PHACTR2: variants seen among roughly 807,000 people sequenced by gnomAD.
The protein encoded by PHACTR2 is phosphatase and actin regulator 2.
A neutral mutation model predicts 76.0 loss-of-function variants in PHACTR2; 30 were observed. That is an observed-to-expected ratio of 0.39 (90% confidence interval 0.30 to 0.54). The LOEUF (loss-of-function observed/expected upper bound fraction) is 0.54, where lower values mean the gene tolerates loss of function less well. PHACTR2 is among the 20% of genes least tolerant of loss of function. The pLI is 0.61. For missense variants in PHACTR2, 696 were observed against 781.1 expected, an observed-to-expected ratio of 0.89 and a Z score of 1.30; for synonymous variants, 292 against 292.5, an observed-to-expected ratio of 1.00 and a Z score of 0.02.
chr6:143,619,706 T>G lies in PHACTR2; in HGVS notation c.13+11384T>G, dbSNP rs1041946466. Reference sequence around the variant, plus strand: ...TTTAATTTACCACCTGCTGCATGCCTCTGCACTTCACATCCTGGGTCTTAT... The same window carrying G: ...TTTAATTTACCACCTGCTGCATGCCGCTGCACTTCACATCCTGGGTCTTAT... On this transcript the variant is annotated intron_variant, in intron 1 of 11. Coordinates refer to the PHACTR2 transcript ENST00000305766. This position sits in a 1 kb window ranked among gnomAD's most constrained non-coding sequence, Gnocchi z 4.5. 6.6e-6 allele frequency among the ~76,000 whole-genome samples: 1 copy of G among 152,220 alleles called. No individual in the cohort carries two copies. Among genetic ancestry groups the G allele is most frequent in the Non-Finnish European group, 1.5e-5 (1 of 68,054 alleles).
At chr6:143,712,633 G>T in intron 2 of PHACTR2, among the ~76,000 whole-genome samples, 1 of 151,650 alleles carries the variant, frequency 6.6e-6, no homozygotes, top group Non-Finnish European at 1.5e-5. Flanking sequence ...TAATGTTAAC[G>T]GTCTTGTTCG....
In PHACTR2 at chr6:143,591,554, G is replaced by T. The variant is rs1259760014; in HGVS notation, c.217+54347G>T. ...GAGCAGCATGAACACAGCCCAGAGA[G>T]GCCGCAGACCTGAGGCTGCTGTGAG... On this transcript the variant is annotated intron_variant, in intron 1 of 11. Transcript: ENST00000367584. This position sits in a 1 kb window ranked among gnomAD's most constrained non-coding sequence, Gnocchi z 6.4. Among the ~76,000 whole-genome samples, 1 of 152,188 alleles carries T rather than the reference G, an allele frequency of 6.6e-6. No homozygotes were observed. The highest frequency in any genetic ancestry group is 2.4e-5 in the African/African-American group (1 of 41,446).
chr6:143,787,219 G>A lies in PHACTR2; in HGVS notation c.1708-1554G>A, dbSNP rs1775576720. Among the ~76,000 whole-genome samples the A allele has an allele frequency of 6.6e-6, 1 of 152,224 alleles. No homozygotes were observed. The highest frequency in any genetic ancestry group is 6.5e-5 in the Admixed American group (1 of 15,286). On this transcript the variant is annotated intron_variant, in intron 10 of 12. Transcript: ENST00000440869. This position sits in a 1 kb window ranked among gnomAD's most constrained non-coding sequence, Gnocchi z 4.6. ...GCACTGGTAGCTACCCCATGACTGGGACAGTCCTGAGGACAAGACTGGATG... is the reference window on the plus strand; with the variant it reads ...GCACTGGTAGCTACCCCATGACTGGAACAGTCCTGAGGACAAGACTGGATG...
At position 143,610,445 on chromosome 6, in the gene PHACTR2, G is replaced by A. The variant is rs931923664; in HGVS notation, c.13+2123G>A. 4.6e-5 allele frequency among the ~76,000 whole-genome samples: 7 copies of A among 152,312 alleles called. No individual in the cohort carries two copies. In the East Asian group the frequency reaches 9.6e-4, roughly 21 times the overall value. On this transcript the variant is annotated intron_variant, in intron 1 of 11. Coordinates refer to the PHACTR2 transcript ENST00000305766. This position sits in a 1 kb window ranked among gnomAD's most constrained non-coding sequence, Gnocchi z 4.9. ...GCTAGTAGTTTAGAGCGGGGCACTC[G>A]TACTGACAACTGGATCATTAGTTTC... is the stretch of plus-strand genomic sequence containing the variant.
intron 1 of PHACTR2, among the ~76,000 whole-genome samples, chr6:143,703,424 CT>C (rs1777962112): frequency 6.6e-6 from 1 of 152,094 alleles, no homozygotes; most frequent in Non-Finnish European, 1.5e-5. Flanking sequence ...AACAACTGAT[CT>C]TATCCCAACT....
At chr6:143,701,688 TG>T (rs1777915650) in intron 1 of PHACTR2, among the ~76,000 whole-genome samples, 1 of 152,214 alleles carries the variant, frequency 6.6e-6, no homozygotes. Context: ...GCTAGTTGCT[TG>T]GTCTCTCAGC....
chr6:143,747,839 G>T (rs972574710), intron 2 of PHACTR2, among the ~76,000 whole-genome samples: 1 of 152,094 alleles, frequency 6.6e-6, no homozygotes, highest in African/African-American at 2.4e-5. Context: ...TTAATTTTAC[G>T]CACCTTCTTG....
rs1775826684 is a variant in PHACTR2 at position 143,602,824 on chromosome 6, C to T, written c.217+65617C>T. ...GCAATCTGGATGTGCAGAAAAGTTTCACAGCCTCTGCATTAAGATGGTAAA... is the reference window on the plus strand; with the variant it reads ...GCAATCTGGATGTGCAGAAAAGTTTTACAGCCTCTGCATTAAGATGGTAAA... On this transcript the variant is annotated intron_variant, in intron 1 of 11. Transcript: ENST00000367584. The surrounding 1 kb of genome is among the most constrained non-coding windows in gnomAD (Gnocchi z 6.1). 6.6e-6 allele frequency among the ~76,000 whole-genome samples: 1 copy of T among 152,142 alleles called. No homozygotes were observed. Among genetic ancestry groups the T allele is most frequent in the Non-Finnish European group, 1.5e-5 (1 of 68,028 alleles).
In PHACTR2 at chr6:143,594,717, T is replaced by C. The variant is rs1236396677; in HGVS notation, c.217+57510T>C. ...CTGCCTCAGTGCTGGCCTTGGCCTA[T>C]ACCTAGCCAGCCGCACATGGGCTTC... is the stretch of plus-strand genomic sequence containing the variant. On this transcript the variant is annotated intron_variant, in intron 1 of 11. Transcript: ENST00000367584. 2.0e-5 allele frequency among the ~76,000 whole-genome samples: 3 copies of C among 152,378 alleles called. No individual in the cohort carries two copies. In the East Asian group the frequency reaches 5.8e-4, roughly 29 times the overall value.
chr6:143,786,683 G>A (rs1410734702), intron 10 of PHACTR2, among the ~76,000 whole-genome samples: 1 of 152,196 alleles, frequency 6.6e-6, no homozygotes, highest in Non-Finnish European at 1.5e-5. Context: ...GAGGCAAAAG[G>A]CATTTCTTAC....
chr6:143,575,019 T>G (rs2128432173), intron 1 of PHACTR2, among the ~76,000 whole-genome samples: 1 of 152,358 alleles, frequency 6.6e-6, no homozygotes, highest in Non-Finnish European at 1.5e-5. Flanking sequence ...AGTATTTACT[T>G]GGCTAGTTAA....
At chr6:143,609,519 A>G (rs1326601164) in intron 1 of PHACTR2, among the ~76,000 whole-genome samples, 1 of 152,174 alleles carries the variant, frequency 6.6e-6, no homozygotes, top group Admixed American at 6.5e-5. Flanking sequence ...TTATACCCCC[A>G]TTCTGGTCAT....
At position 143,653,168 on chromosome 6, in the gene PHACTR2, A is replaced by T. The variant is rs1562260166; in HGVS notation, c.13+44846A>T. Among the ~76,000 whole-genome samples, 1 of 152,114 alleles carries T rather than the reference A, an allele frequency of 6.6e-6. No individual in the cohort carries two copies. The highest frequency in any genetic ancestry group is 1.5e-5 in the Non-Finnish European group (1 of 68,012). ...ATCATTGAACTTTGGCCCTCTGGAA[A>T]CAAGGCCAGTCGCAAGACACGTCAG... is the stretch of plus-strand genomic sequence containing the variant. On this transcript the variant is annotated intron_variant, in intron 1 of 11. Transcript: ENST00000305766. The surrounding 1 kb of genome is among the most constrained non-coding windows in gnomAD (Gnocchi z 4.9).
In PHACTR2 at chr6:143,708,467, A is replaced by T. The variant is rs1778100951; in HGVS notation, c.47-3549A>T. Among the ~76,000 whole-genome samples the T allele has an allele frequency of 2.0e-5, 3 of 152,266 alleles. No homozygotes were observed. Among genetic ancestry groups the T allele is most frequent in the African/African-American group, 2.4e-5 (1 of 41,470 alleles). ...ATGGATCAAAATTAATGCTGAAAAC[A>T]ATCAGGAAATTTTACCTTTCATCTG... is the stretch of plus-strand genomic sequence containing the variant. On this transcript the variant is annotated intron_variant, in intron 1 of 12. Transcript: ENST00000440869. This position sits in a 1 kb window ranked among gnomAD's most constrained non-coding sequence, Gnocchi z 5.5.
At chr6:143,770,491 A>T (rs1172523929) in intron 6 of PHACTR2, among the ~76,000 whole-genome samples, 1 of 152,220 alleles carries the variant, frequency 6.6e-6, no homozygotes, top group Non-Finnish European at 1.5e-5. Flanking sequence ...AACTGGTTAA[A>T]ATGGCAAATT....
rs1400350947 is a variant in PHACTR2, at chr6:143,780,925, CA to C, written c.1646-2291del. ...GCATACAAAAAACTTGGTGTATTTT[CA>C]AATACTGAGTTTAAGGTTTAAACTT... On this transcript the variant is annotated intron_variant, in intron 9 of 12. Transcript: ENST00000440869. This position sits in a 1 kb window ranked among gnomAD's most constrained non-coding sequence, Gnocchi z 4.4. 6.6e-6 allele frequency among the ~76,000 whole-genome samples: 1 copy of C among 152,182 alleles called. No homozygotes were observed. The highest frequency in any genetic ancestry group is 2.4e-5 in the African/African-American group (1 of 41,450).
rs1775556919 is a variant in PHACTR2 at position 143,580,261 on chromosome 6, A to C, written c.217+43054A>C. Among the ~76,000 whole-genome samples, 1 of 152,162 alleles carries C rather than the reference A, an allele frequency of 6.6e-6. No homozygotes were observed. Among genetic ancestry groups the C allele is most frequent in the Non-Finnish European group, 1.5e-5 (1 of 68,022 alleles). ...AGCACTTTGGGAGGCCAAGGCAGGC[A>C]GATCACGAGGTCAGGAAATCGAGAC... On this transcript the variant is annotated intron_variant, in intron 1 of 11. Coordinates refer to the PHACTR2 transcript ENST00000367584. The surrounding 1 kb of genome is among the most constrained non-coding windows in gnomAD (Gnocchi z 4.2).
intron 2 of PHACTR2, among the ~76,000 whole-genome samples, chr6:143,732,298 T>C (rs1405762866): frequency 6.6e-6 from 1 of 152,220 alleles, no homozygotes; most frequent in Non-Finnish European, 1.5e-5. Flanking sequence ...ATTCCCCATT[T>C]CACCAGTCTC....
Position 143,561,012 on chromosome 6 carries a change from G to T in PHACTR2, c.217+23805G>T, listed in dbSNP as rs551924561. Among the ~76,000 whole-genome samples the T allele has an allele frequency of 4.5e-4, 69 of 151,888 alleles. No individual in the cohort carries two copies. Among genetic ancestry groups the T allele is most frequent in the African/African-American group, 1.4e-3 (60 of 41,406 alleles). On this transcript the variant is annotated intron_variant, in intron 1 of 11. Transcript: ENST00000367584. This position sits in a 1 kb window ranked among gnomAD's most constrained non-coding sequence, Gnocchi z 4.1. ...CAGCAAGGACTCTGGGGGGCTTTAA[G>T]TAATAAACTGGCCAGACTCCTGAAG...
Sources: gnomAD v4.1 joint callset for allele counts (sites outside exome capture counted in the v4.1 genomes callset) on GRCh38, gnomAD v4.1.1 for gene constraint, Gnocchi (gnomAD v3.1) non-coding constraint, MANE v1.5 for transcripts, NCBI Gene and HGNC (gene_info 2026-07-23, HGNC 2026-07-21) for gene names.